The following CSMD3 variants were observed in gnomAD, a reference collection of about 807,000 sequenced individuals.
CSMD3 encodes the protein CUB and Sushi multiple domains 3.
CSMD3 carries 177 observed loss-of-function variants against 435.2 expected under a neutral mutation model. The observed-to-expected ratio is 0.41, with a 90% confidence interval of 0.36 to 0.46. The LOEUF (loss-of-function observed/expected upper bound fraction) is 0.46, where lower values mean the gene tolerates loss of function less well. Ranked by LOEUF, CSMD3 falls within the 20% of genes least tolerant of loss-of-function variation. The pLI, the probability that CSMD3 is intolerant of heterozygous loss-of-function variation, is 0.34. For synonymous variants in CSMD3, 1,656 were observed against 1,520.5 expected, an observed-to-expected ratio of 1.09 and a Z score of -2.07; for missense variants, 4,265 against 4,504.6, an observed-to-expected ratio of 0.95 and a Z score of 1.52.
intron 30 of CSMD3, among the ~76,000 whole-genome samples, chr8:112,495,587 T>A (rs1821254777): frequency 6.6e-6 from 1 of 152,232 alleles, no homozygotes; most frequent in African/African-American, 2.4e-5. Flanking sequence ...ATACTGTCTT[T>A]ATTTATATCC....
At chr8:112,397,570 G>T (rs976612501) in intron 35 of CSMD3, among the ~76,000 whole-genome samples, 1 of 152,114 alleles carries the variant, frequency 6.6e-6, no homozygotes, top group Admixed American at 6.5e-5. Flanking sequence ...GTCAGCACTG[G>T]TAGATTTGAT....
rs1828115442 is a variant in CSMD3, at chr8:112,369,515, T to C, written c.6136+10837A>G. ...AAGAAAATGTAACACATATACACCA[T>C]GGAATACTATGTAGTCATAAAAAAG... On this transcript the variant is annotated intron_variant, in intron 38 of 70. Coordinates refer to ENST00000297405, the MANE Select transcript of CSMD3 (RefSeq NM_198123.2). Among the ~76,000 whole-genome samples the C allele has an allele frequency of 2.6e-5, 4 of 152,124 alleles. No homozygotes were observed. In the South Asian group the frequency reaches 8.3e-4, roughly 31 times the overall value.
chr8:112,477,294 A>G (rs906047962), intron 31 of CSMD3, among the ~76,000 whole-genome samples: 2 of 152,162 alleles, frequency 1.3e-5, no homozygotes, highest in African/African-American at 4.8e-5. Context: ...GTATCTTTAA[A>G]CATTAGAAAT....
chr8:113,308,376 C>A lies in CSMD3; in HGVS notation c.401+6195G>T, dbSNP rs2093839808. The stretch of plus-strand genomic sequence containing the variant: ...CTCCGCCTCCCGGGTTCACGCCATT[C>A]TCCTGCCTCAGCCTCCCCAGTAGCT... On this transcript the variant is annotated intron_variant, in intron 2 of 70. Transcript: ENST00000297405. Among the ~76,000 whole-genome samples, 4 of 140,064 alleles carry A rather than the reference C, an allele frequency of 2.9e-5. No homozygotes were observed. The South Asian group carries it at 9.3e-4, about 33-fold the overall frequency. The allele number at this position is 140,064 out of a possible 152,430, so 91.9% of individuals were successfully genotyped here. A position where few individuals can be genotyped will look rare whatever the true frequency, so the allele number is the denominator to read the frequency against.
intron 9 of CSMD3, among the ~76,000 whole-genome samples, chr8:112,939,124 C>T: frequency 6.6e-6 from 1 of 152,010 alleles, no homozygotes; most frequent in South Asian, 2.1e-4. Context: ...GGAATCCTTT[C>T]CTGAAAGCCA....
At chr8:113,144,423 T>C (rs1332684378) in intron 4 of CSMD3, among the ~76,000 whole-genome samples, 7 of 151,448 alleles carry the variant, frequency 4.6e-5, no homozygotes, top group East Asian at 3.9e-4. Flanking sequence ...AACCAAATTG[T>C]TTTCATTTGG....
intron 32 of CSMD3, among the ~76,000 whole-genome samples, chr8:112,462,676 A>G (rs990501123): frequency 9.7e-5 from 13 of 134,296 alleles, no homozygotes; most frequent in African/African-American, 3.7e-4. Context: ...GATATATATG[A>G]CTATATATAT....
chr8:112,773,955 G>A (rs966371056), intron 13 of CSMD3, among the ~76,000 whole-genome samples: 1 of 151,966 alleles, frequency 6.6e-6, no homozygotes, highest in Non-Finnish European at 1.5e-5. Flanking sequence ...GGCATTGTGA[G>A]GCTAGAGCAA....
chr8:113,415,133 C>T (rs1363056398), intron 1 of CSMD3, among the ~76,000 whole-genome samples: 2 of 152,182 alleles, frequency 1.3e-5, no homozygotes, highest in East Asian at 3.9e-4. Flanking sequence ...TAATTTGCTG[C>T]CTCTGAGCAA....
At chr8:113,040,620 A>G (rs1281352192) in intron 5 of CSMD3, among the ~76,000 whole-genome samples, 1 of 152,116 alleles carries the variant, frequency 6.6e-6, no homozygotes, top group Non-Finnish European at 1.5e-5. Context: ...GGTCTAAGCA[A>G]TTGGAGAGAT....
chr8:112,952,152 C>G (rs975339972), intron 8 of CSMD3, among the ~76,000 whole-genome samples: 1 of 149,098 alleles, frequency 6.7e-6, no homozygotes, highest in Non-Finnish European at 1.5e-5. Flanking sequence ...GGTATAAAAG[C>G]TGAAAAAAAA....
At chr8:112,436,875 T>G (rs144439111) in intron 32 of CSMD3, among the ~76,000 whole-genome samples, 1 of 152,048 alleles carries the variant, frequency 6.6e-6, no homozygotes, top group Non-Finnish European at 1.5e-5. Flanking sequence ...GTGTTACAAA[T>G]GCACACAATG....
At chr8:113,146,453 A>G (rs1564364478) in intron 4 of CSMD3, among the ~76,000 whole-genome samples, 1 of 151,630 alleles carries the variant, frequency 6.6e-6, no homozygotes, top group Non-Finnish European at 1.5e-5. Flanking sequence ...CTAGCTCAAT[A>G]TATCAGAGAA....
At chr8:113,024,134 G>A (rs1002469226) in intron 5 of CSMD3, among the ~76,000 whole-genome samples, 2 of 151,922 alleles carry the variant, frequency 1.3e-5, no homozygotes, top group African/African-American at 4.8e-5. Context: ...TGAGACCATC[G>A]TTTTTAGATT....
chr8:112,704,999 T>A (rs2076468227), intron 13 of CSMD3, among the ~76,000 whole-genome samples: 1 of 152,104 alleles, frequency 6.6e-6, no homozygotes, highest in Non-Finnish European at 1.5e-5. Flanking sequence ...GTTAAGGAAA[T>A]GTTAAGGCTA....
chr8:112,261,278 ATC>A (rs1023226504), intron 61 of CSMD3, among the ~76,000 whole-genome samples: 8 of 152,074 alleles, frequency 5.3e-5, no homozygotes, highest in Non-Finnish European at 1.0e-4. Flanking sequence ...ACTAACATAT[ATC>A]TGTTTCATTT....
intron 6 of CSMD3, among the ~76,000 whole-genome samples, chr8:113,007,566 C>T (rs1248152259): frequency 6.6e-6 from 1 of 151,864 alleles, no homozygotes; most frequent in Non-Finnish European, 1.5e-5. Flanking sequence ...AGACTTCTAT[C>T]CTCAAGAACT....
intron 13 of CSMD3, among the ~76,000 whole-genome samples, chr8:112,736,070 T>C (rs1484327390): frequency 6.6e-6 from 1 of 152,162 alleles, no homozygotes; most frequent in African/African-American, 2.4e-5. Context: ...AGTTCATGTT[T>C]GGATGCTCAC....
At chr8:112,843,176 C>T (rs1163600003) in intron 11 of CSMD3, among the ~76,000 whole-genome samples, 2 of 151,768 alleles carry the variant, frequency 1.3e-5, no homozygotes, top group Non-Finnish European at 2.9e-5. Context: ...GATGATCACA[C>T]TAGATACTAT....
Sources: gnomAD v4.1 joint callset for allele counts (sites outside exome capture counted in the v4.1 genomes callset) on GRCh38, gnomAD v4.1.1 for gene constraint, MANE v1.5 for transcripts, NCBI Gene and HGNC (gene_info 2026-07-23, HGNC 2026-07-21) for gene names.